EML1: variants seen among roughly 807,000 people sequenced by gnomAD.
EML1 encodes the protein EMAP like 1.
In EML1, 27 loss-of-function variants were observed where a neutral mutation model predicts 110.4. That is an observed-to-expected ratio of 0.24 (90% CI 0.18 to 0.34). EML1 has a LOEUF of 0.34. Among genes scored for constraint, EML1 ranks in the 10% least tolerant of loss-of-function variants. The pLI, the probability that EML1 is intolerant of heterozygous loss-of-function variation, is 1.00. For missense variants in EML1, 741 were observed against 1,030.9 expected (o/e 0.72, Z 3.85); for synonymous variants, 344 against 385.8 (o/e 0.89, Z 1.27).
intron 17 of EML1, among the ~76,000 whole-genome samples, chr14:99,932,132 T>C (rs2060381546): frequency 6.6e-6 from 1 of 152,182 alleles, no homozygotes; most frequent in South Asian, 2.1e-4. Context: ...GGCCATCTTT[T>C]CGTGCCTGTG....
chr14:99,822,032 G>C (rs895383744), intron 1 of EML1, among the ~76,000 whole-genome samples: 3 of 152,138 alleles, frequency 2.0e-5, no homozygotes, highest in Non-Finnish European at 2.9e-5. Flanking sequence ...CAGCCAGCCT[G>C]GTGTGTGAGA....
chr14:99,751,443 A>G (rs2057173898), intron 1 of EML1, among the ~76,000 whole-genome samples: 1 of 152,222 alleles, frequency 6.6e-6, no homozygotes, highest in Non-Finnish European at 1.5e-5. Flanking sequence ...TCAGCTGCAG[A>G]CAAAGATGAC....
At chr14:99,769,769 C>T (rs572534213), upstream of EML1, among the ~76,000 whole-genome samples, 10 of 152,278 alleles carry the variant, frequency 6.6e-5, no homozygotes, top group African/African-American at 2.2e-4. Flanking sequence ...ACAATTCCTC[C>T]GAGGCTACAT....
At chr14:99,855,351 TA>T (rs960659464) in intron 2 of EML1, among the ~76,000 whole-genome samples, 2 of 152,234 alleles carry the variant, frequency 1.3e-5, no homozygotes, top group African/African-American at 4.8e-5. Context: ...ATTTGTGTTC[TA>T]AAAAATCACT....
chr14:99,800,045 A>G (rs1161817557), intron 1 of EML1, among the ~76,000 whole-genome samples: 1 of 152,240 alleles, frequency 6.6e-6, no homozygotes, highest in East Asian at 1.9e-4. Context: ...GGTTTCTAGT[A>G]TTAGCAAAAT....
chr14:99,764,366 G>T (rs1219928260), intron 1 of EML1, among the ~76,000 whole-genome samples: 1 of 152,232 alleles, frequency 6.6e-6, no homozygotes, highest in African/African-American at 2.4e-5. Flanking sequence ...CGCAGATAGT[G>T]CCAGGTGGGG....
chr14:99,796,582 C>T lies in EML1; in HGVS notation c.67+3039C>T, dbSNP rs200571196. Among the ~76,000 whole-genome samples, 16 of 150,374 alleles carry T rather than the reference C, an allele frequency of 1.1e-4. No homozygotes were observed. The East Asian group carries it at 2.9e-3, about 28-fold the overall frequency. ...TCACAGCTCACTGCAGACTCAAACT[C>T]CTGGGGCTCAAGCAGTCCTACCTCA... On this transcript the variant is annotated intron_variant, in intron 1 of 21. Coordinates refer to ENST00000262233, the MANE Select transcript of EML1 (RefSeq NM_004434.3).
intron 17 of EML1, among the ~76,000 whole-genome samples, chr14:99,933,542 A>G (rs187437655): frequency 6.6e-6 from 1 of 152,298 alleles, no homozygotes; most frequent in East Asian, 1.9e-4. Context: ...GTGTCATGTG[A>G]CAGATTTTCA....
At position 99,760,409 on chromosome 14, in the gene EML1, G is replaced by A. The variant is rs191090468; in HGVS notation, c.28+22549G>A. Among the ~76,000 whole-genome samples the A allele has an allele frequency of 2.5e-3, 375 of 152,160 alleles. 4 individuals carry two copies. The highest frequency in any genetic ancestry group is 3.0e-3 in the Non-Finnish European group (205 of 68,012). On this transcript the variant is annotated intron_variant, in intron 1 of 10. Transcript: ENST00000554479. ...TTTCCCACATTGCTGCATGATCTCC[G>A]TAATGACCATTTTAACAACTGCGGA...
At chr14:99,823,569 G>A (rs1030338302) in intron 1 of EML1, among the ~76,000 whole-genome samples, 1 of 152,120 alleles carries the variant, frequency 6.6e-6, no homozygotes, top group African/African-American at 2.4e-5. Context: ...AGCCTGGACC[G>A]TGAAAGTGCT....
intron 1 of EML1, among the ~76,000 whole-genome samples, chr14:99,754,695 C>T (rs1334080087): frequency 6.6e-6 from 1 of 152,356 alleles, no homozygotes; most frequent in African/African-American, 2.4e-5. Flanking sequence ...GCAGAGAGCA[C>T]TGGCAAAGCC....
chr14:99,937,728 CA>C, intron 19 of EML1, 88 bp from the exon 20 acceptor site: 1 of 1,217,430 alleles, frequency 8.2e-7, no homozygotes, highest in Non-Finnish European at 1.2e-6. Flanking sequence ...GCTCTGTACC[CA>C]ACGGGGCACA....
intron 1 of EML1, among the ~76,000 whole-genome samples, chr14:99,806,904 C>T (rs1231585809): frequency 6.6e-6 from 1 of 152,078 alleles, no homozygotes; most frequent in East Asian, 1.9e-4. Context: ...CTTCTGATCG[C>T]CAATAACATG....
In EML1 at chr14:99,904,194, T is replaced by C. The variant is rs181358535; in HGVS notation, c.1008+3155T>C. Among the ~76,000 whole-genome samples, 6 of 152,348 alleles carry C rather than the reference T, an allele frequency of 3.9e-5. No individual in the cohort carries two copies. The East Asian group carries it at 1.2e-3, about 29-fold the overall frequency. Reference sequence around the variant, plus strand: ...GATCATTGCTCAGAGAAAAACCTGTTGTGCTTTTATTCCAATGTTTAATTT... The same window carrying C: ...GATCATTGCTCAGAGAAAAACCTGTCGTGCTTTTATTCCAATGTTTAATTT... On this transcript the variant is annotated intron_variant, in intron 9 of 21. Transcript: ENST00000262233.
intron 1 of EML1, among the ~76,000 whole-genome samples, chr14:99,759,353 G>T (rs1024882235): frequency 1.3e-5 from 2 of 152,234 alleles, no homozygotes; most frequent in African/African-American, 2.4e-5. Context: ...TTGGCTTAAA[G>T]CTGCTTCTCC....
chr14:99,737,947 G>T, intron 1 of EML1: 1 of 1,235,460 alleles, frequency 8.1e-7, no homozygotes, highest in Non-Finnish European at 1.1e-6. Flanking sequence ...GCCCCCGCAG[G>T]CTGCAGGCAG....
intron 1 of EML1, among the ~76,000 whole-genome samples, chr14:99,803,850 C>T (rs1287901975): frequency 6.6e-6 from 1 of 152,230 alleles, no homozygotes; most frequent in African/African-American, 2.4e-5. Flanking sequence ...TCTTATACTG[C>T]AGCATTACTG....
intron 1 of EML1, among the ~76,000 whole-genome samples, chr14:99,828,914 A>G (rs1323853042): frequency 2.6e-5 from 4 of 152,170 alleles, no homozygotes; most frequent in African/African-American, 9.7e-5. Context: ...CACGTTGAGT[A>G]GGCTGAGGAG....
At chr14:99,773,059 C>T (rs1291065661) in exon 1 of EML1, 1 of 152,206 alleles carries the variant, frequency 6.6e-6, no homozygotes, top group Non-Finnish European at 1.5e-5. Flanking sequence ...TTCTCTCCTC[C>T]TCCACACCCC....
Sources: gnomAD v4.1 joint callset for allele counts (sites outside exome capture counted in the v4.1 genomes callset) on GRCh38, gnomAD v4.1.1 for gene constraint, MANE v1.5 for transcripts, NCBI Gene and HGNC (gene_info 2026-07-23, HGNC 2026-07-21) for gene names.